The following SLCO1B1 variants were observed in gnomAD, a reference collection of about 807,000 sequenced individuals.
SLCO1B1 encodes solute carrier organic anion transporter family member 1B1.
In SLCO1B1, 81 loss-of-function variants were observed where a neutral mutation model predicts 70.1. The ratio of observed to expected loss-of-function variants is 1.16; its 90% CI spans 0.97 to 1.39. The LOEUF is 1.39. Among genes scored for constraint, SLCO1B1 ranks in the 40% most tolerant of loss-of-function variants. The probability of loss-of-function intolerance (pLI) is 0.00; values close to 1 mark genes in which losing one functional copy is unlikely to be tolerated. For synonymous variants in SLCO1B1, 283 were observed against 271.5 expected, an observed-to-expected ratio of 1.04 and a Z score of -0.42; for missense variants, 895 against 799.6, an observed-to-expected ratio of 1.12 and a Z score of -1.44.
intron 7 of SLCO1B1, among the ~76,000 whole-genome samples, chr12:21,196,166 G>T (rs145839400): frequency 1.3e-5 from 2 of 152,080 alleles, no homozygotes; most frequent in Admixed American, 1.3e-4. Flanking sequence ...GGAATTGATC[G>T]CTGTATAATT....
At chr12:21,186,975 A>T (rs1026934167) in intron 7 of SLCO1B1, among the ~76,000 whole-genome samples, 3 of 152,124 alleles carry the variant, frequency 2.0e-5, no homozygotes, top group African/African-American at 7.2e-5. Flanking sequence ...TTTCAAAATA[A>T]CAGAAGCAGC....
intron 7 of SLCO1B1, among the ~76,000 whole-genome samples, chr12:21,185,340 AAATC>A (rs1940951784): frequency 6.6e-6 from 1 of 152,162 alleles, no homozygotes; most frequent in Admixed American, 6.5e-5. Context: ...TTGTATTCTA[AAATC>A]AATCATATGC....
At position 21,174,565 on chromosome 12, in the gene SLCO1B1, T is replaced by C. The variant is rs1565673069; in HGVS notation, c.227-12T>C. On this transcript the variant is annotated splice_polypyrimidine_tract_variant and intron_variant, in intron 3 of 14. Coordinates refer to ENST00000256958, the MANE Select transcript of SLCO1B1 (RefSeq NM_006446.5). ...ACTAAGCTGTATCAACATAATTTTG[T>C]TCCCTTTCTAGGAAATTTGCTTGTG... 6.2e-7 allele frequency: 1 copy of C among 1,612,694 alleles called. No individual in the cohort carries two copies. The highest frequency in any genetic ancestry group is 8.5e-7 in the Non-Finnish European group (1 of 1,179,268).
intron 2 of SLCO1B1, among the ~76,000 whole-genome samples, chr12:21,156,685 G>A (rs1456595978): frequency 2.0e-5 from 3 of 152,040 alleles, no homozygotes; most frequent in African/African-American, 7.2e-5. Context: ...CTTTAAAAAA[G>A]CATAATACTG....
chr12:21,154,708 C>T (rs1940517361), intron 2 of SLCO1B1, among the ~76,000 whole-genome samples: 1 of 151,890 alleles, frequency 6.6e-6, no homozygotes, highest in Admixed American at 6.6e-5. Context: ...ATTTTATTCA[C>T]TTTGCTTTAC....
chr12:21,218,658 C>T (rs562251330), intron 12 of SLCO1B1, among the ~76,000 whole-genome samples: 3 of 152,202 alleles, frequency 2.0e-5, no homozygotes, highest in African/African-American at 7.2e-5. Context: ...AAATTAAATT[C>T]ATTAACATAT....
chr12:21,239,480 G>A lies in SLCO1B1; in HGVS notation c.*291G>A, dbSNP rs1941627295. On this transcript the variant is annotated 3_prime_UTR_variant, in exon 15 of 15. Transcript: ENST00000256958. Reference sequence around the variant, plus strand: ...CTGTGTAATAAAAGAAAAAATACTTGTTCAGGTAATTCTAATTCTTAATAA... The same window carrying A: ...CTGTGTAATAAAAGAAAAAATACTTATTCAGGTAATTCTAATTCTTAATAA... 6.6e-6 allele frequency among the ~76,000 whole-genome samples: 1 copy of A among 152,124 alleles called. No homozygotes were observed. The highest frequency in any genetic ancestry group is 1.5e-5 in the Non-Finnish European group (1 of 68,006).
In SLCO1B1 at chr12:21,197,167, A is replaced by C. The variant is rs1941103549; in HGVS notation, c.949A>C (p.Asn317His). 1 of 1,613,376 alleles carries C rather than the reference A, an allele frequency of 6.2e-7. No homozygotes were observed. The highest frequency in any genetic ancestry group is 1.3e-5 in the African/African-American group (1 of 75,022). ...QTANLTNQGK[N>H]ITKNVTGFFQ... Reference sequence around the variant, plus strand: ...AGCTAATTTGACCAATCAAGGAAAAAATATTACCAAAAATGTGACTGGTAA... The same window carrying C: ...AGCTAATTTGACCAATCAAGGAAAACATATTACCAAAAATGTGACTGGTAA... Residue 317 changes from asparagine (N) to histidine (H), a missense_variant, in exon 8 of 15, where the codon AAT becomes CAT. Asn to His is a moderately conservative substitution (Grantham distance 68). Transcript: ENST00000256958.
At chr12:21,159,229 T>G (rs146054086) in intron 2 of SLCO1B1, among the ~76,000 whole-genome samples, 1 of 152,144 alleles carries the variant, frequency 6.6e-6, no homozygotes, top group Non-Finnish European at 1.5e-5. Flanking sequence ...TTGAACAGTT[T>G]AGCATATTTT....
chr12:21,144,772 A>G (rs1940358934), intron 2 of SLCO1B1, among the ~76,000 whole-genome samples: 1 of 152,190 alleles, frequency 6.6e-6, no homozygotes, highest in South Asian at 2.1e-4. Flanking sequence ...ACCATCCTTA[A>G]AGAAAAGAAA....
At chr12:21,227,742 CT>C (rs1941495970) in intron 14 of SLCO1B1, among the ~76,000 whole-genome samples, 4 of 152,040 alleles carry the variant, frequency 2.6e-5, no homozygotes, top group Admixed American at 1.3e-4. Flanking sequence ...ATGACCACAA[CT>C]TCAAGTATTA....
intron 11 of SLCO1B1, among the ~76,000 whole-genome samples, chr12:21,209,650 G>T (rs1411003417): frequency 6.6e-6 from 1 of 151,774 alleles, no homozygotes; most frequent in Non-Finnish European, 1.5e-5. Flanking sequence ...TTCCACAATG[G>T]TTAAACTAGT....
rs563155902 is a variant in SLCO1B1, at chr12:21,202,814, T to A, written c.1331+128T>A. ...TTTAAGTTAAGAGAAATTTCAATTTTAAAATTTTTAAAATATCTGTTTCTT... is the reference window on the plus strand; with the variant it reads ...TTTAAGTTAAGAGAAATTTCAATTTAAAAATTTTTAAAATATCTGTTTCTT... On this transcript the variant is annotated intron_variant, in intron 10 of 14. Coordinates refer to ENST00000256958, the MANE Select transcript of SLCO1B1 (RefSeq NM_006446.5). 123 of 710,318 alleles carry A rather than the reference T, an allele frequency of 1.7e-4. No homozygotes were observed. The African/African-American group carries it at 1.7e-3, about 10-fold the overall frequency. The allele number at this position is 710,318 out of a possible 1,614,324, so 44.0% of individuals were successfully genotyped here. A position where few individuals can be genotyped will look rare whatever the true frequency, so the allele number is the denominator to read the frequency against.
In SLCO1B1 at chr12:21,214,094, A is replaced by G. The variant is rs975896275; in HGVS notation, c.1498-3025A>G. On this transcript the variant is annotated intron_variant, in intron 11 of 14. Transcript: ENST00000256958. ...GTCATTCTCCATCCAGCTTTGTTCCATTGCTGGTGAGGAACTGCATTCCTT... is the reference window on the plus strand; with the variant it reads ...GTCATTCTCCATCCAGCTTTGTTCCGTTGCTGGTGAGGAACTGCATTCCTT... 7.5e-4 allele frequency among the ~76,000 whole-genome samples: 114 copies of G among 152,168 alleles called. 1 individual carries two copies. Among genetic ancestry groups the G allele is most frequent in the Admixed American group, 1.0e-3 (16 of 15,294 alleles).
intron 14 of SLCO1B1, among the ~76,000 whole-genome samples, chr12:21,236,101 C>A (rs1941593651): frequency 1.3e-5 from 2 of 152,000 alleles, no homozygotes; most frequent in South Asian, 4.1e-4. Flanking sequence ...ACTGTTGCAC[C>A]CACAACAGTG....
chr12:21,135,423 T>G (rs1940203497), intron 1 of SLCO1B1, among the ~76,000 whole-genome samples: 1 of 152,188 alleles, frequency 6.6e-6, no homozygotes, highest in African/African-American at 2.4e-5. Context: ...TGTCTAATGT[T>G]GACAGTGGGG....
chr12:21,204,138 G>A (rs1297993750), intron 10 of SLCO1B1, among the ~76,000 whole-genome samples: 3 of 151,094 alleles, frequency 2.0e-5, no homozygotes, highest in Admixed American at 6.6e-5. Flanking sequence ...ACTGGGATAA[G>A]TTTTTTTTTA....
intron 14 of SLCO1B1, among the ~76,000 whole-genome samples, chr12:21,236,381 A>T (rs868811167): frequency 4.7e-4 from 72 of 152,168 alleles, no homozygotes; most frequent in African/African-American, 1.7e-3. Flanking sequence ...TGGCATGGTG[A>T]CTCAAAGATG....
At chr12:21,181,524 T>C (rs2121113252) in intron 7 of SLCO1B1, among the ~76,000 whole-genome samples, 1 of 152,328 alleles carries the variant, frequency 6.6e-6, no homozygotes, top group South Asian at 2.1e-4. Flanking sequence ...CTAGGTAGTT[T>C]GTTATCAAGT....
Sources: allele counts gnomAD v4.1 joint callset (sites outside exome capture counted in the v4.1 genomes callset), GRCh38; gene constraint gnomAD v4.1.1; transcripts MANE v1.5; gene names NCBI Gene and HGNC (gene_info 2026-07-23, HGNC 2026-07-21).